Variants in DLC1 observed in about 807,000 individuals in gnomAD.
DLC1 encodes DLC1 Rho GTPase activating protein, also known as rho GTPase-activating protein 7.
DLC1 carries 54 observed loss-of-function variants against 140.3 expected under a neutral mutation model. The ratio of observed to expected loss-of-function variants is 0.38; its 90% confidence interval spans 0.31 to 0.48. DLC1 has a LOEUF of 0.48. DLC1 is among the 20% of genes least tolerant of loss of function. The pLI is 0.96. For synonymous variants in DLC1, 986 were observed against 728.1 expected (o/e 1.35, Z -5.70); for missense variants, 2,536 against 1,907.0 (o/e 1.33, Z -6.14).
chr8:13,498,274 G>A lies in DLC1; in HGVS notation c.1023+775C>T, dbSNP rs867794927. On this transcript the variant is annotated intron_variant, in intron 2 of 17. Coordinates refer to ENST00000276297, the MANE Select transcript of DLC1 (RefSeq NM_182643.3). ...TGGAAAAATGTGGGGAAATTCTATA[G>A]AAAAGACAGGTTTTGGTCAAGGGTT... is the stretch of plus-strand genomic sequence containing the variant. Among the ~76,000 whole-genome samples the A allele has an allele frequency of 2.0e-5, 3 of 152,174 alleles. No homozygotes were observed. The South Asian group carries it at 6.2e-4, about 32-fold the overall frequency.
Position 13,086,166 on chromosome 8 carries a change from C to T in DLC1, c.4466+124G>A, listed in dbSNP as rs1385759683. 2.9e-6 allele frequency: 4 copies of T among 1,386,670 alleles called. No homozygotes were observed. The Admixed American group carries it at 9.7e-5, about 34-fold the overall frequency. The allele number at this position is 1,386,670 out of a possible 1,614,324, so 85.9% of individuals were successfully genotyped here. ...AACATGAAATGCTACTTTCTAAACA[C>T]CATTCTTCATGAAGTCACCAAGAAA... On this transcript the variant is annotated intron_variant, in intron 17 of 17. Transcript: ENST00000276297.
At chr8:13,110,903 A>G in intron 6 of DLC1, 80 bp from the exon 7 acceptor site, 1 of 1,291,892 alleles carries the variant, frequency 7.7e-7, no homozygotes, top group Non-Finnish European at 1.1e-6. Flanking sequence ...CAAAGCAGGG[A>G]TAAAACTCTT....
At chr8:13,512,354 C>G (rs1258950373) in intron 1 of DLC1, among the ~76,000 whole-genome samples, 1 of 152,130 alleles carries the variant, frequency 6.6e-6, no homozygotes, top group Admixed American at 6.5e-5. Flanking sequence ...TCAGCACACA[C>G]AGCAACAAAT....
At chr8:13,226,971 C>A (rs1057206912) in intron 5 of DLC1, among the ~76,000 whole-genome samples, 4 of 152,124 alleles carry the variant, frequency 2.6e-5, no homozygotes, top group Admixed American at 1.3e-4. Context: ...AGGTTAATCC[C>A]CATTTAAAAA....
chr8:13,295,736 G>T (rs368750604), intron 5 of DLC1, among the ~76,000 whole-genome samples: 1 of 151,988 alleles, frequency 6.6e-6, no homozygotes, highest in East Asian at 1.9e-4. Context: ...TACTCAGTGA[G>T]GTCAAAGTAA....
intron 2 of DLC1, among the ~76,000 whole-genome samples, chr8:13,498,545 G>A (rs1435074479): frequency 6.6e-6 from 1 of 152,126 alleles, no homozygotes; most frequent in Non-Finnish European, 1.5e-5. Context: ...GCACATTTTG[G>A]GGGTGGGAGT....
intron 5 of DLC1, among the ~76,000 whole-genome samples, chr8:13,205,219 C>T (rs375189081): frequency 6.6e-6 from 1 of 152,200 alleles, no homozygotes; most frequent in Admixed American, 6.5e-5. Flanking sequence ...GCTGGACTTA[C>T]TCTAAGGCAG....
intron 1 of DLC1, among the ~76,000 whole-genome samples, chr8:13,555,514 C>G (rs112229294): frequency 1.3e-5 from 2 of 151,964 alleles, no homozygotes; most frequent in Non-Finnish European, 2.9e-5. Flanking sequence ...TTTTTTGAGA[C>G]GGAGTCTCAC....
chr8:13,573,841 A>G (rs546800493), intron 1 of DLC1, among the ~76,000 whole-genome samples: 2 of 152,304 alleles, frequency 1.3e-5, no homozygotes, highest in South Asian at 4.1e-4. Context: ...TAAAATTTAC[A>G]TATGACGTTA....
In DLC1 at chr8:13,403,294, A is replaced by G. The variant is rs547622632; in HGVS notation, c.1024-1675T>C. 5.3e-4 allele frequency among the ~76,000 whole-genome samples: 80 copies of G among 152,304 alleles called. 1 individual carries two copies. The highest frequency in any genetic ancestry group is 2.5e-4 in the Non-Finnish European group (17 of 68,018). ...TTTGCAAACAGACCTGATCTTTTCC[A>G]TGTATCTTATCCCTCACTGCTACAG... is the stretch of plus-strand genomic sequence containing the variant. On this transcript the variant is annotated intron_variant, in intron 2 of 17. Transcript: ENST00000276297.
At chr8:13,249,418 A>G (rs763683963) in intron 5 of DLC1, among the ~76,000 whole-genome samples, 4 of 152,178 alleles carry the variant, frequency 2.6e-5, no homozygotes, top group African/African-American at 7.2e-5. Context: ...TCTCCACTGC[A>G]TTAAGAGAGT....
intron 2 of DLC1, among the ~76,000 whole-genome samples, chr8:13,426,112 AATT>A (rs145396626): frequency 0.099 from 14,994 of 151,780 alleles, 908 homozygotes; most frequent in South Asian, 0.17. Flanking sequence ...CCTGTATGGC[AATT>A]ATTATTATTA....
At chr8:13,293,211 C>G (rs180772339) in intron 5 of DLC1, among the ~76,000 whole-genome samples, 3 of 152,270 alleles carry the variant, frequency 2.0e-5, no homozygotes, top group Admixed American at 2.0e-4. Context: ...GCTTGGGCAA[C>G]AGAGCGTGAA....
At chr8:13,573,938 TC>T (rs1174128728) in intron 1 of DLC1, among the ~76,000 whole-genome samples, 2 of 152,184 alleles carry the variant, frequency 1.3e-5, no homozygotes, top group Admixed American at 6.5e-5. Context: ...AGAGACTCCC[TC>T]CATCATTCAT....
At chr8:13,300,830 A>AT in intron 5 of DLC1, among the ~76,000 whole-genome samples, 1 of 152,178 alleles carries the variant, frequency 6.6e-6, no homozygotes, top group East Asian at 1.9e-4. Context: ...CAGGTTATAT[A>AT]TTTTCAAAGA....
chr8:13,389,995 T>C (rs533084645), intron 4 of DLC1, among the ~76,000 whole-genome samples: 2 of 152,292 alleles, frequency 1.3e-5, no homozygotes, highest in East Asian at 3.9e-4. Flanking sequence ...GATATTACAG[T>C]TTTCTCTCTC....
At chr8:13,157,508 A>G (rs1383701104) in intron 5 of DLC1, among the ~76,000 whole-genome samples, 3 of 152,228 alleles carry the variant, frequency 2.0e-5, no homozygotes, top group African/African-American at 7.2e-5. Context: ...TTGAAAAATA[A>G]GAAATCTTTG....
At chr8:13,087,252 A>T (rs1375253067) in intron 16 of DLC1, among the ~76,000 whole-genome samples, 1 of 152,228 alleles carries the variant, frequency 6.6e-6, no homozygotes, top group Non-Finnish European at 1.5e-5. Flanking sequence ...AAACAAAAAA[A>T]TTAGCCAGGT....
At chr8:13,448,482 C>A (rs569750678) in intron 2 of DLC1, among the ~76,000 whole-genome samples, 3 of 151,948 alleles carry the variant, frequency 2.0e-5, no homozygotes, top group Non-Finnish European at 4.4e-5. Flanking sequence ...CCTGCCTCAA[C>A]CTCTCAAGTA....
Sources: gnomAD v4.1 joint callset for allele counts (sites outside exome capture counted in the v4.1 genomes callset) on GRCh38, gnomAD v4.1.1 for gene constraint, MANE v1.5 for transcripts, NCBI Gene and HGNC (gene_info 2026-07-23, HGNC 2026-07-21) for gene names.